IPO11: variants seen among roughly 807,000 people sequenced by gnomAD.
IPO11 encodes importin-11.
IPO11 carries 66 observed loss-of-function variants against 143.2 expected under a neutral mutation model. That is an observed-to-expected ratio of 0.46 (90% confidence interval 0.38 to 0.57). IPO11 has a LOEUF of 0.57. Ranked by LOEUF, IPO11 falls within the 20% of genes least tolerant of loss-of-function variation. The pLI is 0.00. For missense variants in IPO11, 1,026 were observed against 1,141.0 expected, an observed-to-expected ratio of 0.90 and a Z score of 1.45; for synonymous variants, 385 against 377.8, an observed-to-expected ratio of 1.02 and a Z score of -0.22.
rs181361902 is a variant in IPO11 at position 62,566,499 on chromosome 5, G to A, written c.2582+5242G>A. 2.4e-3 allele frequency among the ~76,000 whole-genome samples: 372 copies of A among 152,090 alleles called. 2 individuals are homozygous for A. The highest frequency in any genetic ancestry group is 3.7e-3 in the Non-Finnish European group (250 of 67,990). On this transcript the variant is annotated intron_variant, in intron 27 of 29. Transcript: ENST00000325324. ...TGTAATCTCAGCACTTTGGGAGGCC[G>A]AGGCAGGCAGATCACTTAAAGCCAG...
chr5:62,491,912 T>C (rs1444807119), intron 15 of IPO11, among the ~76,000 whole-genome samples: 2 of 152,106 alleles, frequency 1.3e-5, no homozygotes, highest in East Asian at 1.9e-4. Context: ...CCTCGTGATC[T>C]GCCCGCCTTG....
chr5:62,512,882 A>C (rs1484240427), intron 19 of IPO11, among the ~76,000 whole-genome samples: 1 of 141,076 alleles, frequency 7.1e-6, no homozygotes, highest in Non-Finnish European at 1.6e-5. Context: ...CACATATTTC[A>C]GAGAGCACAG....
chr5:62,483,210 T>A lies in IPO11; in HGVS notation c.938T>A (p.Phe313Tyr), dbSNP rs746478571. 6.2e-7 allele frequency: 1 copy of A among 1,611,392 alleles called. No individual in the cohort carries two copies. The highest frequency in any genetic ancestry group is 8.5e-7 in the Non-Finnish European group (1 of 1,178,328). Residue 313 changes from phenylalanine to tyrosine, a missense_variant, in exon 10 of 30, where the codon TTT becomes TAT. Transcript: ENST00000325324. ...VFTEVGEGVT[F>Y]ERFIVQCMNL... ...ACAGAAGTTGGTGAAGGCGTTACAT[T>A]TGAACGATTCATTGTCCAATGTATG...
At chr5:62,539,486 A>T (rs1197108539) in intron 24 of IPO11, among the ~76,000 whole-genome samples, 1 of 152,092 alleles carries the variant, frequency 6.6e-6, no homozygotes, top group Non-Finnish European at 1.5e-5. Flanking sequence ...TTTGGCTTTA[A>T]TTTTTTAGCT....
intron 27 of IPO11, among the ~76,000 whole-genome samples, chr5:62,574,046 T>G (rs901139028): frequency 1.3e-5 from 2 of 152,252 alleles, no homozygotes; most frequent in African/African-American, 4.8e-5. Context: ...GTAGGACTTC[T>G]TTCTAACTAT....
At chr5:62,600,925 C>T (rs1426080626) in intron 28 of IPO11, among the ~76,000 whole-genome samples, 1 of 152,214 alleles carries the variant, frequency 6.6e-6, no homozygotes, top group African/African-American at 2.4e-5. Context: ...ATCAAGTTTT[C>T]TGGTATCCGC....
At chr5:62,592,248 A>C (rs771968160) in intron 28 of IPO11, among the ~76,000 whole-genome samples, 3 of 152,176 alleles carry the variant, frequency 2.0e-5, no homozygotes, top group Non-Finnish European at 4.4e-5. Context: ...AATATATTTT[A>C]GTCTATAAGT....
At chr5:62,554,152 G>A (rs557196480) in intron 26 of IPO11, among the ~76,000 whole-genome samples, 2 of 152,304 alleles carry the variant, frequency 1.3e-5, no homozygotes, top group South Asian at 2.1e-4. Context: ...TGTTGTTTGA[G>A]TTTCTTGTGT....
In IPO11 at chr5:62,524,219, A is replaced by C. The variant is rs1239326022; in HGVS notation, c.1897-1923A>C. Among the ~76,000 whole-genome samples the C allele has an allele frequency of 2.0e-5, 3 of 152,092 alleles. No homozygotes were observed. The East Asian group carries it at 5.8e-4, about 29-fold the overall frequency. ...TCTTTAGCCACTAGAATTATAAGGT[A>C]TTGAATCTCTTCAAGCATTGATTAA... is the stretch of plus-strand genomic sequence containing the variant. On this transcript the variant is annotated intron_variant, in intron 20 of 29. Coordinates refer to ENST00000325324, the MANE Select transcript of IPO11 (RefSeq NM_016338.5).
intron 27 of IPO11, among the ~76,000 whole-genome samples, chr5:62,572,656 A>C (rs1044539648): frequency 6.6e-6 from 1 of 151,856 alleles, no homozygotes; most frequent in African/African-American, 2.4e-5. Context: ...ATCTTGGCTC[A>C]CTGCAGCCTT....
intron 1 of IPO11, among the ~76,000 whole-genome samples, chr5:62,417,770 A>G (rs1001130931): frequency 1.3e-5 from 2 of 152,174 alleles, no homozygotes; most frequent in Non-Finnish European, 2.9e-5. Context: ...TCTCTCTTCA[A>G]CGCTGACATA....
chr5:62,435,673 C>A (rs563871697), intron 1 of IPO11, among the ~76,000 whole-genome samples: 1 of 149,706 alleles, frequency 6.7e-6, no homozygotes, highest in African/African-American at 2.5e-5. Flanking sequence ...TGCAGTGAGC[C>A]GAGATCGTGC....
chr5:62,598,526 CTTTTCTTTCTTTTCTTTCTT>C (rs1745359875), intron 28 of IPO11, among the ~76,000 whole-genome samples: 2 of 4,828 alleles, frequency 4.1e-4, no homozygotes, highest in African/African-American at 2.8e-3. Context: ...TTCTTTCTTT[CTTTTCTTTCTTTTCTTTCTT>C]TTCTTTCTTT....
At chr5:62,438,349 G>A (rs186435244) in intron 2 of IPO11, among the ~76,000 whole-genome samples, 1 of 150,654 alleles carries the variant, frequency 6.6e-6, no homozygotes, top group African/African-American at 2.4e-5. Flanking sequence ...TAACAGAATC[G>A]TAAAAAAAAA....
At chr5:62,572,370 A>ACT (rs1164209773) in intron 27 of IPO11, among the ~76,000 whole-genome samples, 6 of 152,092 alleles carry the variant, frequency 3.9e-5, no homozygotes, top group African/African-American at 1.4e-4. Flanking sequence ...ATTTATTGAG[A>ACT]CTCTCCACTG....
chr5:62,566,280 G>A (rs145482551), intron 27 of IPO11, among the ~76,000 whole-genome samples: 7 of 152,090 alleles, frequency 4.6e-5, no homozygotes, highest in African/African-American at 1.2e-4. Context: ...CCTCAGCCTC[G>A]CCAGCATCTA....
intron 19 of IPO11, among the ~76,000 whole-genome samples, chr5:62,514,004 C>T (rs1327078439): frequency 6.7e-6 from 1 of 148,818 alleles, no homozygotes; most frequent in African/African-American, 2.6e-5. Context: ...GGCTGCCGGG[C>T]AGAGACGCTC....
rs533029164 is a variant in IPO11 at position 62,441,557 on chromosome 5, C to T, written c.139-1426C>T. 1.6e-4 allele frequency among the ~76,000 whole-genome samples: 20 copies of T among 124,396 alleles called. No homozygotes were observed. The East Asian group carries it at 4.5e-3, about 28-fold the overall frequency. 81.6% of individuals were successfully genotyped at this position (124,396 alleles called of 152,430 possible). A position where few individuals can be genotyped will look rare whatever the true frequency, so the allele number is the denominator to read the frequency against. Reference sequence around the variant, plus strand: ...TGGGACAGAGTTTTGCTCTTGTTGCCCAGGCTGGAGTGCAGTGGTGCGATC... The same window carrying T: ...TGGGACAGAGTTTTGCTCTTGTTGCTCAGGCTGGAGTGCAGTGGTGCGATC... On this transcript the variant is annotated intron_variant, in intron 2 of 29. Transcript: ENST00000325324.
chr5:62,489,318 A>G lies in IPO11; in HGVS notation c.1326A>G (p.Glu442=), dbSNP rs895767605. ...MQTLQGPTNV[E]DMNALLIKDA... ...ATTTTTTAGGACCCACAAATGTGGA[A>G]GATATGAATGCACTGTTAATCAAAG... Residue 442 remains glutamate (E), a synonymous_variant, in exon 14 of 30, where the codon GAA becomes GAG. Transcript: ENST00000325324. The G allele has an allele frequency of 3.2e-6, 5 of 1,562,412 alleles. No individual in the cohort carries two copies. Among genetic ancestry groups the G allele is most frequent in the Non-Finnish European group, 4.3e-6 (5 of 1,149,826 alleles).
Sources: gnomAD v4.1 joint callset for allele counts (sites outside exome capture counted in the v4.1 genomes callset) on GRCh38, gnomAD v4.1.1 for gene constraint, MANE v1.5 for transcripts, NCBI Gene and HGNC (gene_info 2026-07-23, HGNC 2026-07-21) for gene names.